FAM91A1: variants seen among roughly 807,000 people sequenced by gnomAD.
FAM91A1 encodes family with sequence similarity 91 member A1.
A neutral mutation model predicts 113.5 loss-of-function variants in FAM91A1; 41 were observed. The observed-to-expected ratio is 0.36, with a 90% CI of 0.28 to 0.47. The LOEUF (loss-of-function observed/expected upper bound fraction) is 0.47. FAM91A1 is among the 20% of genes least tolerant of loss of function. The pLI, the probability that FAM91A1 is intolerant of heterozygous loss-of-function variation, is 1.00. For synonymous variants in FAM91A1, 307 were observed against 347.9 expected (o/e 0.88, Z 1.31); for missense variants, 696 against 1,001.2 (o/e 0.70, Z 4.11).
chr8:123,793,354 C>T (rs185669422), intron 15 of FAM91A1, among the ~76,000 whole-genome samples: 57 of 152,300 alleles, frequency 3.7e-4, no homozygotes, highest in African/African-American at 1.2e-3. Context: ...CTTGCCTGAA[C>T]CATTCTGTAC....
chr8:123,779,307 A>G (rs907683608), intron 6 of FAM91A1, among the ~76,000 whole-genome samples: 1 of 152,200 alleles, frequency 6.6e-6, no homozygotes, highest in Non-Finnish European at 1.5e-5. Flanking sequence ...CACTGCAAAG[A>G]ACTGTTGTAC....
chr8:123,778,743 G>A lies in FAM91A1; in HGVS notation c.520G>A (p.Ala174Thr). ...IAIEAWWVVQ[A>T]GYITEDDIKI... ...CATAGAGGCGTGGTGGGTGGTGCAG[G>A]CTGGCTATATCACAGAAGATGACAT... is the stretch of plus-strand genomic sequence containing the variant. Residue 174 changes from alanine to threonine, a missense_variant, in exon 6 of 24, where the codon GCT becomes ACT. Ala to Thr is a moderately conservative substitution (Grantham distance 58). Coordinates refer to ENST00000334705, the MANE Select transcript of FAM91A1 (RefSeq NM_144963.4). 1 of 1,592,858 alleles carries A rather than the reference G, an allele frequency of 6.3e-7. No individual in the cohort carries two copies. Among genetic ancestry groups the A allele is most frequent in the Non-Finnish European group, 8.5e-7 (1 of 1,169,860 alleles).
intron 15 of FAM91A1, among the ~76,000 whole-genome samples, chr8:123,793,308 A>C (rs1461981591): frequency 6.6e-6 from 1 of 152,128 alleles, no homozygotes; most frequent in Non-Finnish European, 1.5e-5. Flanking sequence ...ACTCCTCATC[A>C]GTGTTTCCTC....
intron 20 of FAM91A1, among the ~76,000 whole-genome samples, 195 bp from the exon 21 acceptor site, chr8:123,808,077 C>A (rs994154574): frequency 3.3e-5 from 5 of 152,138 alleles, no homozygotes; most frequent in Admixed American, 6.6e-5. Context: ...CGAATAGCAT[C>A]CCTGTCTTCA....
intron 18 of FAM91A1, among the ~76,000 whole-genome samples, chr8:123,803,417 C>A (rs2130143552): frequency 6.6e-6 from 1 of 152,222 alleles, no homozygotes; most frequent in South Asian, 2.1e-4. Flanking sequence ...CACAAGAGAT[C>A]CTCCTGCCTT....
chr8:123,802,987 C>T (rs913107488), intron 18 of FAM91A1, among the ~76,000 whole-genome samples: 1 of 152,142 alleles, frequency 6.6e-6, no homozygotes, highest in Non-Finnish European at 1.5e-5. Context: ...GTGGGTGATT[C>T]CACGAGCTTC....
At position 123,813,000 on chromosome 8, in the gene FAM91A1, A is replaced by C. The variant is rs114196949; in HGVS notation, c.*296A>C. 1,714 of 219,296 alleles carry C rather than the reference A, an allele frequency of 7.8e-3. 37 individuals carry two copies. Among genetic ancestry groups the C allele is most frequent in the African/African-American group, 0.035 (1,543 of 44,168 alleles). The allele number at this position is 219,296 out of a possible 1,614,324, so 13.6% of individuals were successfully genotyped here. A position where few individuals can be genotyped will look rare whatever the true frequency, so the allele number is the denominator to read the frequency against. Reference sequence around the variant, plus strand: ...GCTTTATGATGACTGTTATGTTTATAAGCAGTCACTATGAAAATTGCAATG... The same window carrying C: ...GCTTTATGATGACTGTTATGTTTATCAGCAGTCACTATGAAAATTGCAATG... On this transcript the variant is annotated 3_prime_UTR_variant, in exon 24 of 24. Transcript: ENST00000334705.
intron 10 of FAM91A1, among the ~76,000 whole-genome samples, 166 bp downstream of exon 10, chr8:123,785,285 A>T (rs1020580419): frequency 6.6e-6 from 1 of 152,234 alleles, no homozygotes; most frequent in Non-Finnish European, 1.5e-5. Flanking sequence ...AGGAAAGAGC[A>T]GGAAAAGGGG....
rs146977882 is a variant in FAM91A1, at chr8:123,789,439, A to G, written c.1279-174A>G. 6.3e-3 allele frequency among the ~76,000 whole-genome samples: 956 copies of G among 152,342 alleles called. 8 individuals are homozygous for G. Among genetic ancestry groups the G allele is most frequent in the African/African-American group, 0.022 (904 of 41,580 alleles). On this transcript the variant is annotated intron_variant, in intron 14 of 23. Transcript: ENST00000334705. ...AAGTAATTTCTATCTCCATAGATGT[A>G]GTAAAATTGGGAACTCAACCAAGAC...
In FAM91A1 at chr8:123,806,207, C is replaced by G. The variant is rs2272684; in HGVS notation, c.2010C>G (p.Leu670=). 0.06 allele frequency: 96,683 copies of G among 1,612,338 alleles called. 3,985 individuals carry two copies. Among genetic ancestry groups the G allele is most frequent in the African/African-American group, 0.21 (15,650 of 74,892 alleles). ...CCAGCCAACTTGCAGATAGAAAACT[C>G]AGTGATGCTTCTGATGAGAGAGGTT... ...NASSQLADRK[L]SDASDERGEP... Residue 670 remains leucine, a synonymous_variant, in exon 20 of 24, where the codon CTC becomes CTG. Transcript: ENST00000334705.
At chr8:123,787,448 A>T (rs953170828) in intron 13 of FAM91A1, 75 bp downstream of exon 13, 1 of 1,215,742 alleles carries the variant, frequency 8.2e-7, no homozygotes, top group Non-Finnish European at 1.2e-6. Context: ...ATGCTTTTAT[A>T]TCTTTTTTAA....
chr8:123,775,373 C>G, intron 3 of FAM91A1, 75 bp downstream of exon 3: 1 of 1,523,658 alleles, frequency 6.6e-7, no homozygotes, highest in Non-Finnish European at 8.9e-7. Context: ...AGATGTTCAC[C>G]AGCTCTTCAG....
At position 123,775,368 on chromosome 8, in the gene FAM91A1, T is replaced by C. The variant is rs570796426; in HGVS notation, c.309+70T>C. 1.4e-5 allele frequency: 21 copies of C among 1,546,966 alleles called. No homozygotes were observed. The South Asian group carries it at 2.1e-4, about 15-fold the overall frequency. ...ACATGTCTGGGACTTTTTGCAGATGTTCACCAGCTCTTCAGCTGTCGTCTG... is the reference window on the plus strand; with the variant it reads ...ACATGTCTGGGACTTTTTGCAGATGCTCACCAGCTCTTCAGCTGTCGTCTG... On this transcript the variant is annotated intron_variant, in intron 3 of 23. Coordinates refer to ENST00000334705, the MANE Select transcript of FAM91A1 (RefSeq NM_144963.4).
Position 123,806,235 on chromosome 8 carries a change from C to T in FAM91A1, c.2032+6C>T, listed in dbSNP as rs933810148. On this transcript the variant is annotated splice_donor_region_variant and intron_variant, in intron 20 of 23. Transcript: ENST00000334705. Reference sequence around the variant, plus strand: ...TGATGCTTCTGATGAGAGAGGTTAGCCAATAGTTGGATTCTTTGGATTAAG... The same window carrying T: ...TGATGCTTCTGATGAGAGAGGTTAGTCAATAGTTGGATTCTTTGGATTAAG... The T allele has an allele frequency of 2.5e-6, 4 of 1,604,780 alleles. No homozygotes were observed. The highest frequency in any genetic ancestry group is 2.6e-6 in the Non-Finnish European group (3 of 1,174,564).
intron 14 of FAM91A1, among the ~76,000 whole-genome samples, chr8:123,788,935 T>C (rs1292497998): frequency 6.6e-6 from 1 of 152,222 alleles, no homozygotes; most frequent in Non-Finnish European, 1.5e-5. Context: ...CAAATCTGAT[T>C]TAGTTATTTT....
intron 14 of FAM91A1, among the ~76,000 whole-genome samples, chr8:123,789,147 T>A (rs1011416901): frequency 6.6e-6 from 1 of 152,200 alleles, no homozygotes; most frequent in East Asian, 1.9e-4. Context: ...TAAATCTTTG[T>A]TGAGTGAATT....
Position 123,787,739 on chromosome 8 carries a change from G to GA in FAM91A1, c.1269dup (p.Leu424ThrfsTer9). The GA allele has an allele frequency of 6.2e-7, 1 of 1,611,836 alleles. No individual in the cohort carries two copies. The highest frequency in any genetic ancestry group is 1.3e-5 in the African/African-American group (1 of 74,940). On this transcript the variant is annotated frameshift_variant, in exon 14 of 24. Coordinates refer to ENST00000334705, the MANE Select transcript of FAM91A1 (RefSeq NM_144963.4). LOFTEE classifies it high-confidence loss of function. ...TGAGTCTCTGGACAGCTTTCTTATA[G>GA]AACTAGAAAAGGTAAATGTAGATTG... is the stretch of plus-strand genomic sequence containing the variant.
intron 8 of FAM91A1, among the ~76,000 whole-genome samples, chr8:123,781,365 A>G (rs1815115892): frequency 6.6e-6 from 1 of 152,118 alleles, no homozygotes; most frequent in Non-Finnish European, 1.5e-5. Context: ...ACTTCTTTAT[A>G]TCAGTGTTGA....
chr8:123,804,926 T>G (rs1419183502), intron 18 of FAM91A1, among the ~76,000 whole-genome samples: 2 of 152,236 alleles, frequency 1.3e-5, no homozygotes, highest in Admixed American at 1.3e-4. Flanking sequence ...ATGGGGATTC[T>G]TCCACCACTT....
Sources: gnomAD v4.1 joint callset for allele counts (sites outside exome capture counted in the v4.1 genomes callset) on GRCh38, gnomAD v4.1.1 for gene constraint, MANE v1.5 for transcripts, NCBI Gene and HGNC (gene_info 2026-07-23, HGNC 2026-07-21) for gene names.